Variants in CLDN23 observed in about 807,000 individuals in gnomAD.
The protein encoded by CLDN23 is claudin-23.
A neutral mutation model predicts 1.4 loss-of-function variants in CLDN23; 3 were observed. The ratio of observed to expected loss-of-function variants is 2.10; its 90% CI spans 0.96 to 5.43. The LOEUF (loss-of-function observed/expected upper bound fraction) is 5.43. Ranked by LOEUF, CLDN23 falls within the 30% of genes most tolerant of loss-of-function variation. CLDN23 has a pLI of 0.02. For missense variants in CLDN23, 597 were observed against 433.5 expected (o/e 1.38, Z -3.35); for synonymous variants, 291 against 209.9 (o/e 1.39, Z -3.34).
rs1432857194 is a variant in CLDN23 at position 8,703,091 on chromosome 8, G to A, written c.693G>A (p.Pro231=). 1 of 1,531,946 alleles carries A rather than the reference G, an allele frequency of 6.5e-7. No individual in the cohort carries two copies. The allele number at this position is 1,531,946 out of a possible 1,614,324, so 94.9% of individuals were successfully genotyped here. A position where few individuals can be genotyped will look rare whatever the true frequency, so the allele number is the denominator to read the frequency against. The change falls in exon 1 of 1, where the codon CCG becomes CCA. Residue 231 remains proline, a synonymous_variant. Coordinates refer to ENST00000519106, the MANE Select transcript of CLDN23 (RefSeq NM_194284.3). ...IKYYSDGQHR[P]PPAQHRKPKP... is the part of the protein sequence containing the mutation. ...ACTACAGCGACGGCCAGCACCGACC[G>A]CCGCCTGCCCAGCACCGCAAGCCCA...
rs1802779415 is a variant in CLDN23, at chr8:8,702,794, G to A, written c.396G>A (p.Val132=). The part of the protein sequence containing the change: ...FVAGLLGLIP[V]SWYNHFLGDR... ...CTGGCCTCCTCGGCCTCATCCCGGT[G>A]TCCTGGTACAACCACTTCTTGGGGG... The change falls in exon 1 of 1, where the codon GTG becomes GTA. Residue 132 remains valine (V), a synonymous_variant. Coordinates refer to ENST00000519106, the MANE Select transcript of CLDN23 (RefSeq NM_194284.3). 1 of 1,610,928 alleles carries A rather than the reference G, an allele frequency of 6.2e-7. No homozygotes were observed. The highest frequency in any genetic ancestry group is 8.5e-7 in the Non-Finnish European group (1 of 1,179,566).
chr8:8,702,466 C>G lies in CLDN23; in HGVS notation c.68C>G (p.Thr23Ser). ...CCCTGCGGGCTCCTGCTCAACCTGA[C>G]CGGCACCCTGGCGCCCGGCTGGCGG... The part of the protein sequence containing the change: ...LAPCGLLLNL[T>S]GTLAPGWRLV... The change falls in exon 1 of 1, where the codon ACC becomes AGC. Residue 23 changes from threonine to serine, a missense_variant. Transcript: ENST00000519106. 1 of 1,606,782 alleles carries G rather than the reference C, an allele frequency of 6.2e-7. No individual in the cohort carries two copies.
Position 8,703,326 on chromosome 8 carries a change from C to G in CLDN23, c.*49C>G, listed in dbSNP as rs951598366. On this transcript the variant is annotated 3_prime_UTR_variant, in exon 1 of 1. Transcript: ENST00000519106. The stretch of plus-strand genomic sequence containing the variant: ...CCGGGTGGCAAAGGACTCACCCCCG[C>G]ACAGGCCCGCCTGGCTTCGAGTTGG... The G allele has an allele frequency of 1.5e-6, 2 of 1,325,230 alleles. No homozygotes were observed. The highest frequency in any genetic ancestry group is 3.1e-5 in the African/African-American group (2 of 64,924). The allele number at this position is 1,325,230 out of a possible 1,614,324, so 82.1% of individuals were successfully genotyped here.
At position 8,703,178 on chromosome 8, in the gene CLDN23, G is replaced by T; in HGVS notation, c.780G>T (p.Ser260=). 6.6e-7 allele frequency: 1 copy of T among 1,512,954 alleles called. No homozygotes were observed. Among genetic ancestry groups the T allele is most frequent in the Admixed American group, 2.1e-5 (1 of 47,602 alleles). The allele number at this position is 1,512,954 out of a possible 1,614,324, so 93.7% of individuals were successfully genotyped here. Residue 260 remains serine, a synonymous_variant, in exon 1 of 1, where the codon TCG becomes TCT. Transcript: ENST00000519106. ...CGCGGCCCAAGGCCTACACCAACTCGGTGGACGTCCTCGACGGGGAGGGGT... is the reference window on the plus strand; with the variant it reads ...CGCGGCCCAAGGCCTACACCAACTCTGTGGACGTCCTCGACGGGGAGGGGT... ...PRPRPKAYTN[S]VDVLDGEGWE... is the part of the protein sequence containing the mutation.
chr8:8,702,256 G>A lies in CLDN23; in HGVS notation c.-143G>A, dbSNP rs1802742533. On this transcript the variant is annotated 5_prime_UTR_variant, in exon 1 of 1. Transcript: ENST00000519106. ...CGTCCCTGGAGCGATCAGGGCTCAG[G>A]AGCCCGACCCGGAGCCCGGGGCGTC... 3 of 865,866 alleles carry A rather than the reference G, an allele frequency of 3.5e-6. No homozygotes were observed. The highest frequency in any genetic ancestry group is 1.8e-5 in the African/African-American group (1 of 56,660). 53.6% of individuals were successfully genotyped at this position (865,866 alleles called of 1,614,324 possible).
chr8:8,703,061 C>T lies in CLDN23; in HGVS notation c.663C>T (p.Ile221=), dbSNP rs753957610. Residue 221 remains isoleucine, a synonymous_variant, in exon 1 of 1, where the codon ATC becomes ATT. Transcript: ENST00000519106. The part of the protein sequence containing the change: ...EWPEPDLAPA[I]KYYSDGQHRP... ...CCGAGCCCGACCTGGCGCCCGCCAT[C>T]AAGTACTACAGCGACGGCCAGCACC... The T allele has an allele frequency of 6.5e-7, 1 of 1,529,884 alleles. No homozygotes were observed. The highest frequency in any genetic ancestry group is 2.4e-5 in the East Asian group (1 of 41,494). 94.8% of individuals were successfully genotyped at this position (1,529,884 alleles called of 1,614,324 possible).
chr8:8,703,957 G>T lies in CLDN23; in HGVS notation c.*680G>T, dbSNP rs184100360. The T allele has an allele frequency of 6.0e-6, 1 of 167,202 alleles. No individual in the cohort carries two copies. The highest frequency in any genetic ancestry group is 2.4e-5 in the African/African-American group (1 of 41,574). 10.4% of individuals were successfully genotyped at this position (167,202 alleles called of 1,614,324 possible). A position where few individuals can be genotyped will look rare whatever the true frequency, so the allele number is the denominator to read the frequency against. On this transcript the variant is annotated 3_prime_UTR_variant, in exon 1 of 1. Coordinates refer to ENST00000519106, the MANE Select transcript of CLDN23 (RefSeq NM_194284.3). ...AGAGGAGAACAAAGGTCCTAATGCT[G>T]TACTATTCCACCCTTTGGACGCCTC...
Position 8,703,142 on chromosome 8 carries a change from C to A in CLDN23, c.744C>A (p.Pro248=). Residue 248 remains proline (P), a synonymous_variant, in exon 1 of 1, where the codon CCC becomes CCA. Coordinates refer to ENST00000519106, the MANE Select transcript of CLDN23 (RefSeq NM_194284.3). ...KPKPKPKVGF[P]MPRPRPKAYT... is the part of the protein sequence containing the mutation. ...AGCCCAAGCCCAAGGTCGGCTTCCC[C>A]ATGCCGCGGCCGCGGCCCAAGGCCT... 1 of 1,541,686 alleles carries A rather than the reference C, an allele frequency of 6.5e-7. No homozygotes were observed. Among genetic ancestry groups the A allele is most frequent in the Non-Finnish European group, 8.7e-7 (1 of 1,152,154 alleles).
rs1802826140 is a variant in CLDN23 at position 8,703,675 on chromosome 8, TTTTTTC to T, written c.*405_*410del. The T allele has an allele frequency of 5.7e-6, 1 of 176,050 alleles. No individual in the cohort carries two copies. Among genetic ancestry groups the T allele is most frequent in the Admixed American group, 6.4e-5 (1 of 15,508 alleles). 10.9% of individuals were successfully genotyped at this position (176,050 alleles called of 1,614,324 possible). On this transcript the variant is annotated 3_prime_UTR_variant, in exon 1 of 1. Transcript: ENST00000519106. ...CTTGCATCAATATAATTATTGGGTTTTTTTTCTTTTTCCTGCTGTATAACTCCTTGC... is the reference window on the plus strand; with the variant it reads ...CTTGCATCAATATAATTATTGGGTTTTTTTTCCTGCTGTATAACTCCTTGC...
Position 8,703,199 on chromosome 8 carries a change from G to C in CLDN23, c.801G>C (p.Glu267Asp). 2 of 1,488,810 alleles carry C rather than the reference G, an allele frequency of 1.3e-6. No homozygotes were observed. The highest frequency in any genetic ancestry group is 1.8e-6 in the Non-Finnish European group (2 of 1,122,562). The allele number at this position is 1,488,810 out of a possible 1,614,324, so 92.2% of individuals were successfully genotyped here. The change falls in exon 1 of 1, where the codon GAG becomes GAC. Residue 267 changes from glutamate (E) to aspartate (D), a missense_variant. Transcript: ENST00000519106. ...ACTCGGTGGACGTCCTCGACGGGGA[G>C]GGGTGGGAGTCCCAGGACGCTCCCT... The part of the protein sequence containing the change: ...YTNSVDVLDG[E>D]GWESQDAPSC...
chr8:8,703,085 C>A lies in CLDN23; in HGVS notation c.687C>A (p.His229Gln). 1.3e-6 allele frequency: 2 copies of A among 1,532,052 alleles called. No homozygotes were observed. Among genetic ancestry groups the A allele is most frequent in the Non-Finnish European group, 1.7e-6 (2 of 1,147,772 alleles). 94.9% of individuals were successfully genotyped at this position (1,532,052 alleles called of 1,614,324 possible). The change falls in exon 1 of 1, where the codon CAC becomes CAA. Residue 229 changes from histidine (H) to glutamine (Q), a missense_variant. Coordinates refer to ENST00000519106, the MANE Select transcript of CLDN23 (RefSeq NM_194284.3). ...PAIKYYSDGQ[H>Q]RPPPAQHRKP... ...TCAAGTACTACAGCGACGGCCAGCACCGACCGCCGCCTGCCCAGCACCGCA... is the reference window on the plus strand; with the variant it reads ...TCAAGTACTACAGCGACGGCCAGCAACGACCGCCGCCTGCCCAGCACCGCA...
At position 8,702,767 on chromosome 8, in the gene CLDN23, C is replaced by G; in HGVS notation, c.369C>G (p.Val123=). Residue 123 remains valine, a synonymous_variant, in exon 1 of 1, where the codon GTC becomes GTG. Coordinates refer to ENST00000519106, the MANE Select transcript of CLDN23 (RefSeq NM_194284.3). ...LAGLSGVVLF[V]AGLLGLIPVS... is the part of the protein sequence containing the mutation. Reference sequence around the variant, plus strand: ...GGCTCTCGGGCGTCGTGCTCTTCGTCGCTGGCCTCCTCGGCCTCATCCCGG... The same window carrying G: ...GGCTCTCGGGCGTCGTGCTCTTCGTGGCTGGCCTCCTCGGCCTCATCCCGG... 6.2e-7 allele frequency: 1 copy of G among 1,610,562 alleles called. No individual in the cohort carries two copies. The highest frequency in any genetic ancestry group is 8.5e-7 in the Non-Finnish European group (1 of 1,179,592).
In CLDN23 at chr8:8,702,960, C is replaced by T. The variant is rs1250130961; in HGVS notation, c.562C>T (p.Arg188Cys). The T allele has an allele frequency of 3.8e-6, 6 of 1,563,014 alleles. No homozygotes were observed. In the South Asian group the frequency reaches 4.6e-5, roughly 12 times the overall value. The change falls in exon 1 of 1, where the codon CGT (arginine) becomes TGT (cysteine). Residue 188 changes from arginine (R) to cysteine (C), a missense_variant. Transcript: ENST00000519106. ...CAGCTTCGCGCCCTGGTGCGACGAG[C>T]GTTGTCGCCGCCGCCGCAAGGGACC... ...ALSFAPWCDE[R>C]CRRRRKGPSA...
chr8:8,702,415 T>C lies in CLDN23; in HGVS notation c.17T>C (p.Val6Ala). 2 of 1,509,330 alleles carry C rather than the reference T, an allele frequency of 1.3e-6. No individual in the cohort carries two copies. Among genetic ancestry groups the C allele is most frequent in the Non-Finnish European group, 8.8e-7 (1 of 1,131,484 alleles). The allele number at this position is 1,509,330 out of a possible 1,614,324, so 93.5% of individuals were successfully genotyped here. A position where few individuals can be genotyped will look rare whatever the true frequency, so the allele number is the denominator to read the frequency against. ...CGGGCCGGGATGCGGACGCCGGTGG[T>C]GATGACGCTGGGCATGGTGTTGGCG... is the stretch of plus-strand genomic sequence containing the variant. MRTPV[V>A]MTLGMVLAPC... Residue 6 changes from valine to alanine, a missense_variant, in exon 1 of 1, where the codon GTG becomes GCG. Val to Ala is a moderately conservative substitution (Grantham distance 64, BLOSUM62 0). Transcript: ENST00000519106.
At position 8,702,327 on chromosome 8, in the gene CLDN23, G is replaced by C; in HGVS notation, c.-72G>C. 1 of 1,440,810 alleles carries C rather than the reference G, an allele frequency of 6.9e-7. No individual in the cohort carries two copies. The highest frequency in any genetic ancestry group is 1.5e-5 in the African/African-American group (1 of 68,166). The allele number at this position is 1,440,810 out of a possible 1,614,324, so 89.3% of individuals were successfully genotyped here. A position where few individuals can be genotyped will look rare whatever the true frequency, so the allele number is the denominator to read the frequency against. Reference sequence around the variant, plus strand: ...GGAGCCTGGGGCACGGCAGGGAGAAGACGACGGCGGAGAAGGCGACAGCGG... The same window carrying C: ...GGAGCCTGGGGCACGGCAGGGAGAACACGACGGCGGAGAAGGCGACAGCGG... On this transcript the variant is annotated 5_prime_UTR_variant, in exon 1 of 1. Coordinates refer to ENST00000519106, the MANE Select transcript of CLDN23 (RefSeq NM_194284.3).
Position 8,702,857 on chromosome 8 carries a change from G to C in CLDN23, c.459G>C (p.Thr153=), listed in dbSNP as rs763944063. ...TGCCCGCCCCGGCCAGCCCGGTCAC[G>C]GTGCAGGTCAGCTACAGCCTGGTCC... The part of the protein sequence containing the change: ...DVLPAPASPV[T]VQVSYSLVLG... The change falls in exon 1 of 1, where the codon ACG becomes ACC. Residue 153 remains threonine (T), a synonymous_variant. Coordinates refer to ENST00000519106, the MANE Select transcript of CLDN23 (RefSeq NM_194284.3). 1.2e-6 allele frequency: 2 copies of C among 1,602,550 alleles called. No individual in the cohort carries two copies. The highest frequency in any genetic ancestry group is 4.5e-5 in the East Asian group (2 of 44,656).
rs903348246 is a variant in CLDN23 at position 8,702,057 on chromosome 8, C to T, written c.-342C>T. ...GCGCTCACCTCGGGTCCCTCCCTCC[C>T]GGGCCAGGTTTGGCCGCGGCAGCCG... On this transcript the variant is annotated 5_prime_UTR_variant, in exon 1 of 1. Transcript: ENST00000519106. 2.4e-5 allele frequency: 5 copies of T among 211,202 alleles called. No homozygotes were observed. The highest frequency in any genetic ancestry group is 4.7e-5 in the Non-Finnish European group (5 of 107,408). The allele number at this position is 211,202 out of a possible 1,614,324, so 13.1% of individuals were successfully genotyped here.
At position 8,703,134 on chromosome 8, in the gene CLDN23, G is replaced by T. The variant is rs780784611; in HGVS notation, c.736G>T (p.Gly246Cys). ...CAAGCCCAAGCCCAAGCCCAAGGTCGGCTTCCCCATGCCGCGGCCGCGGCC... is the reference window on the plus strand; with the variant it reads ...CAAGCCCAAGCCCAAGCCCAAGGTCTGCTTCCCCATGCCGCGGCCGCGGCC... ...HRKPKPKPKVGFPMPRPRPKA... is the reference protein window; with the variant it reads ...HRKPKPKPKVCFPMPRPRPKA... Residue 246 changes from glycine (G) to cysteine (C), a missense_variant, in exon 1 of 1, where the codon GGC becomes TGC. Coordinates refer to ENST00000519106, the MANE Select transcript of CLDN23 (RefSeq NM_194284.3). 6.5e-7 allele frequency: 1 copy of T among 1,543,680 alleles called. No individual in the cohort carries two copies. The highest frequency in any genetic ancestry group is 8.7e-7 in the Non-Finnish European group (1 of 1,153,672).
Position 8,703,046 on chromosome 8 carries a change from C to T in CLDN23, c.648C>T (p.Asp216=), listed in dbSNP as rs752216712. Residue 216 remains aspartate (D), a synonymous_variant, in exon 1 of 1, where the codon GAC becomes GAT. Transcript: ENST00000519106. ...STIQVEWPEP[D]LAPAIKYYSD... is the part of the protein sequence containing the mutation. ...TCCAAGTGGAGTGGCCCGAGCCCGA[C>T]CTGGCGCCCGCCATCAAGTACTACA... The T allele has an allele frequency of 1.4e-5, 22 of 1,529,598 alleles. No homozygotes were observed. In the Admixed American group the frequency reaches 3.9e-4, roughly 27 times the overall value. The allele number at this position is 1,529,598 out of a possible 1,614,324, so 94.8% of individuals were successfully genotyped here. A position where few individuals can be genotyped will look rare whatever the true frequency, so the allele number is the denominator to read the frequency against.
Sources: gnomAD v4.1 joint callset for allele counts on GRCh38, gnomAD v4.1.1 for gene constraint, MANE v1.5 for transcripts, NCBI Gene and HGNC (gene_info 2026-07-23, HGNC 2026-07-21) for gene names.